The following GDAP1 variants were observed in gnomAD, a reference collection of about 807,000 sequenced individuals.
GDAP1 encodes the protein ganglioside induced differentiation associated protein 1, also known as ganglioside-induced differentiation-associated protein 1.
Under a neutral mutation model 40.1 loss-of-function variants are expected in GDAP1, and 34 were observed. That is an observed-to-expected ratio of 0.85 (90% CI 0.64 to 1.13). The LOEUF (loss-of-function observed/expected upper bound fraction) is 1.13. GDAP1 is among the 50% of genes most tolerant of loss of function. GDAP1 has a pLI of 0.00. For missense variants in GDAP1, 374 were observed against 433.7 expected, an observed-to-expected ratio of 0.86 and a Z score of 1.22; for synonymous variants, 170 against 157.4, an observed-to-expected ratio of 1.08 and a Z score of -0.60.
Position 74,361,899 on chromosome 8 carries a change from CA to C in GDAP1, c.501del (p.Glu168SerfsTer4), listed in dbSNP as rs886041386. 28 of 1,597,844 alleles carry C rather than the reference CA, an allele frequency of 1.8e-5. No homozygotes were observed. Among genetic ancestry groups the C allele is most frequent in the Non-Finnish European group, 2.4e-5 (28 of 1,165,142 alleles). ...TTRIRSQIGNTESELKKLAEE... is the reference protein window; with the variant it reads ...TTRIRSQIGNXESELKKLAEE... ...TTATTATCAGGCCAAATTGGAAACACAGAGTCTGAGCTGAAGAAACTTGCTG... is the reference window on the plus strand; with the variant it reads ...TTATTATCAGGCCAAATTGGAAACACGAGTCTGAGCTGAAGAAACTTGCTG... On this transcript the variant is annotated frameshift_variant, in exon 4 of 6. Coordinates refer to ENST00000220822, the MANE Select transcript of GDAP1 (RefSeq NM_018972.4). LOFTEE classifies it high-confidence loss of function.
intron 2 of GDAP1, among the ~76,000 whole-genome samples, chr8:74,402,474 A>C (rs1012089562): frequency 4.0e-5 from 6 of 150,446 alleles, no homozygotes; most frequent in South Asian, 4.1e-4. Context: ...TTCTTTGACT[A>C]GGAAAGGGAA....
intron 2 of GDAP1, among the ~76,000 whole-genome samples, chr8:74,421,084 G>A (rs6985664): frequency 0.18 from 27,999 of 152,012 alleles, 2,825 homozygotes; most frequent in Admixed American, 0.31. Flanking sequence ...GACAGATATT[G>A]CTATTGTGGA....
intron 2 of GDAP1, among the ~76,000 whole-genome samples, chr8:74,469,837 G>C (rs1249169503): frequency 1.3e-5 from 2 of 151,856 alleles, no homozygotes; most frequent in African/African-American, 2.4e-5. Context: ...AGCTGGGCGT[G>C]CTGGTGCATG....
intron 2 of GDAP1, among the ~76,000 whole-genome samples, chr8:74,352,345 T>C (rs371904171): frequency 1.3e-5 from 2 of 152,382 alleles, no homozygotes; most frequent in South Asian, 2.1e-4. Context: ...AGCTTCCAGC[T>C]GAATGCTCTT....
At chr8:74,449,760 A>T (rs1162673354) in intron 2 of GDAP1, among the ~76,000 whole-genome samples, 5 of 151,752 alleles carry the variant, frequency 3.3e-5, no homozygotes, top group African/African-American at 1.2e-4. Flanking sequence ...GCCTATTTTA[A>T]TTAGTTTGAC....
At chr8:74,384,613 T>G (rs775217157) in intron 2 of GDAP1, among the ~76,000 whole-genome samples, 1 of 152,128 alleles carries the variant, frequency 6.6e-6, no homozygotes, top group African/African-American at 2.4e-5. Flanking sequence ...GATTTCAAGT[T>G]TACAGAGAAA....
At chr8:74,464,805 C>T (rs1806447702) in intron 2 of GDAP1, among the ~76,000 whole-genome samples, 1 of 152,144 alleles carries the variant, frequency 6.6e-6, no homozygotes, top group Non-Finnish European at 1.5e-5. Flanking sequence ...ATTTCATATT[C>T]AAACCTAAAT....
At chr8:74,405,943 T>C (rs1387551851) in intron 2 of GDAP1, among the ~76,000 whole-genome samples, 2 of 149,976 alleles carry the variant, frequency 1.3e-5, no homozygotes, top group Non-Finnish European at 2.9e-5. Context: ...AGAATAGATA[T>C]CCGATGAGAC....
At chr8:74,470,758 C>T (rs536591508) in intron 2 of GDAP1, among the ~76,000 whole-genome samples, 4 of 152,210 alleles carry the variant, frequency 2.6e-5, no homozygotes, top group East Asian at 1.9e-4. Flanking sequence ...TAATCCTTTG[C>T]GTATATACCC....
At chr8:74,462,303 A>T (rs1392109430) in intron 2 of GDAP1, among the ~76,000 whole-genome samples, 1 of 152,230 alleles carries the variant, frequency 6.6e-6, no homozygotes, top group Non-Finnish European at 1.5e-5. Flanking sequence ...CTAAGAAAAT[A>T]GATCAATTTA....
intron 2 of GDAP1, among the ~76,000 whole-genome samples, chr8:74,392,543 A>G (rs1454228755): frequency 6.6e-6 from 1 of 152,202 alleles, no homozygotes; most frequent in African/African-American, 2.4e-5. Context: ...TTTAGCTTGT[A>G]GTATTTACTT....
chr8:74,442,170 A>G (rs1444251157), intron 2 of GDAP1, among the ~76,000 whole-genome samples: 1 of 152,220 alleles, frequency 6.6e-6, no homozygotes, highest in African/African-American at 2.4e-5. Flanking sequence ...ACTAATTCAA[A>G]TAACTGAATC....
At chr8:74,356,716 AT>A (rs377497809) in intron 2 of GDAP1, among the ~76,000 whole-genome samples, 24 of 104,330 alleles carry the variant, frequency 2.3e-4, no homozygotes, top group Middle Eastern at 6.9e-3. Flanking sequence ...ATATATATAT[AT>A]TTTTTTTTTT....
At chr8:74,487,156 T>C (rs1489894909) in intron 2 of GDAP1, among the ~76,000 whole-genome samples, 1 of 152,120 alleles carries the variant, frequency 6.6e-6, no homozygotes, top group Non-Finnish European at 1.5e-5. Flanking sequence ...TTAGCTTTAT[T>C]AATATTATAT....
At chr8:74,437,530 C>A (rs996937760) in intron 2 of GDAP1, among the ~76,000 whole-genome samples, 6 of 151,820 alleles carry the variant, frequency 4.0e-5, no homozygotes, top group African/African-American at 7.3e-5. Context: ...TACTTGAGAC[C>A]CCTACATGCT....
intron 2 of GDAP1, among the ~76,000 whole-genome samples, chr8:74,397,562 C>G (rs968840810): frequency 1.3e-5 from 2 of 152,124 alleles, no homozygotes; most frequent in Admixed American, 1.3e-4. Flanking sequence ...CCAGTTTCAG[C>G]TTTCTACATA....
At chr8:74,372,292 G>A (rs1809767888) in intron 2 of GDAP1, among the ~76,000 whole-genome samples, 1 of 152,162 alleles carries the variant, frequency 6.6e-6, no homozygotes, top group South Asian at 2.1e-4. Context: ...CCGGTAATGG[G>A]ATGGCTGGGT....
chr8:74,369,402 A>T (rs1302119696), downstream of GDAP1, among the ~76,000 whole-genome samples: 2 of 152,226 alleles, frequency 1.3e-5, no homozygotes, highest in African/African-American at 4.8e-5. Flanking sequence ...TTGACAGAAA[A>T]TCATGGGAGA....
chr8:74,460,116 T>C (rs1463181629), intron 2 of GDAP1, among the ~76,000 whole-genome samples: 1 of 152,210 alleles, frequency 6.6e-6, no homozygotes, highest in Non-Finnish European at 1.5e-5. Flanking sequence ...ATAAAACATG[T>C]TAATTCAAGC....
Sources: gnomAD v4.1 joint callset for allele counts (sites outside exome capture counted in the v4.1 genomes callset) on GRCh38, gnomAD v4.1.1 for gene constraint, MANE v1.5 for transcripts, NCBI Gene and HGNC (gene_info 2026-07-23, HGNC 2026-07-21) for gene names.